RSU1: variants seen among roughly 807,000 people sequenced by gnomAD.
RSU1 encodes the protein rsu-1.
A neutral mutation model predicts 31.1 loss-of-function variants in RSU1; 26 were observed. That is an observed-to-expected ratio of 0.84 (90% CI 0.61 to 1.16). RSU1 has a LOEUF of 1.16. Ranked by LOEUF, RSU1 falls within the 50% of genes most tolerant of loss-of-function variation. RSU1 has a pLI of 0.00. For synonymous variants in RSU1, 164 were observed against 136.3 expected (o/e 1.20, Z -1.41); for missense variants, 320 against 339.1 (o/e 0.94, Z 0.44).
intron 8 of RSU1, among the ~76,000 whole-genome samples, chr10:16,644,352 C>A (rs1834498288): frequency 6.6e-6 from 1 of 152,206 alleles, no homozygotes; most frequent in African/African-American, 2.4e-5. Flanking sequence ...TTTAAACACT[C>A]CCCTTTCCTA....
intron 8 of RSU1, among the ~76,000 whole-genome samples, chr10:16,659,914 C>A (rs1459681804): frequency 1.3e-5 from 2 of 152,306 alleles, no homozygotes; most frequent in South Asian, 2.1e-4. Context: ...TTCCAATGTT[C>A]TAGCGTTCTG....
At chr10:16,722,901 T>TAC (rs1226560091) in intron 7 of RSU1, among the ~76,000 whole-genome samples, 6 of 146,134 alleles carry the variant, frequency 4.1e-5, no homozygotes, top group Middle Eastern at 3.7e-3. Context: ...TATGTATATA[T>TAC]ACACACATAT....
At chr10:16,688,388 C>G (rs759889862) in intron 8 of RSU1, among the ~76,000 whole-genome samples, 1 of 152,022 alleles carries the variant, frequency 6.6e-6, no homozygotes, top group Non-Finnish European at 1.5e-5. Flanking sequence ...GGACGGGTCA[C>G]GAGGTCAGGA....
At chr10:16,665,194 C>T (rs111344424) in intron 8 of RSU1, among the ~76,000 whole-genome samples, 33 of 152,264 alleles carry the variant, frequency 2.2e-4, no homozygotes, top group African/African-American at 7.2e-4. Context: ...TCCCACCTGC[C>T]TCAGCCTCCC....
chr10:16,606,549 G>A (rs1032261375), intron 8 of RSU1, among the ~76,000 whole-genome samples: 2 of 152,354 alleles, frequency 1.3e-5, no homozygotes, highest in African/African-American at 2.4e-5. Context: ...ATGGGCAGAT[G>A]AGGGTCGTTC....
chr10:16,794,880 G>C (rs1837995551), intron 2 of RSU1, among the ~76,000 whole-genome samples: 1 of 152,220 alleles, frequency 6.6e-6, no homozygotes, highest in African/African-American at 2.4e-5. Context: ...GTTCCTAGCA[G>C]GTGAGACCTG....
At chr10:16,727,264 C>A (rs1836418799) in intron 7 of RSU1, 2 of 383,406 alleles carry the variant, frequency 5.2e-6, no homozygotes, top group South Asian at 3.8e-5. Context: ...GAGGAGATAA[C>A]TTGATTGGAG....
intron 8 of RSU1, among the ~76,000 whole-genome samples, chr10:16,631,462 C>T (rs918210971): frequency 3.3e-5 from 5 of 152,042 alleles, no homozygotes; most frequent in Non-Finnish European, 7.4e-5. Context: ...GGAAACACGG[C>T]GTGACTTTTA....
At chr10:16,806,842 C>T (rs760250495) in intron 2 of RSU1, among the ~76,000 whole-genome samples, 9 of 152,188 alleles carry the variant, frequency 5.9e-5, no homozygotes, top group Non-Finnish European at 8.8e-5. Flanking sequence ...GAGCCTCTAC[C>T]TCCCAGGTTC....
At chr10:16,805,635 C>T (rs1375222934) in intron 2 of RSU1, among the ~76,000 whole-genome samples, 2 of 144,274 alleles carry the variant, frequency 1.4e-5, no homozygotes, top group Non-Finnish European at 3.0e-5. Flanking sequence ...GAGATCACGC[C>T]ACTGCACTCC....
intron 8 of RSU1, among the ~76,000 whole-genome samples, chr10:16,605,253 T>C (rs932895302): frequency 6.6e-6 from 1 of 152,188 alleles, no homozygotes; most frequent in Non-Finnish European, 1.5e-5. Context: ...CTTTCTATCT[T>C]TGACTACGTT....
At position 16,773,640 on chromosome 10, in the gene RSU1, C is replaced by T. The variant is rs534095176; in HGVS notation, c.160+8394G>A. Among the ~76,000 whole-genome samples the T allele has an allele frequency of 3.3e-5, 5 of 152,312 alleles. No individual in the cohort carries two copies. The South Asian group carries it at 1.0e-3, about 32-fold the overall frequency. The stretch of plus-strand genomic sequence containing the variant: ...TCACTTAATCACTTTACACCTGCCT[C>T]CTCCACGTAATACAGAGTGGGGGTT... On this transcript the variant is annotated intron_variant, in intron 3 of 8. Transcript: ENST00000345264.
chr10:16,720,004 G>T lies in RSU1; in HGVS notation c.599-24849C>A, dbSNP rs539285837. On this transcript the variant is annotated intron_variant, in intron 7 of 8. Transcript: ENST00000345264. Reference sequence around the variant, plus strand: ...GCAGCCAAGGAAAATGTGGTGCAAGGATTAACTCATCTCCCAAAGGTCACA... The same window carrying T: ...GCAGCCAAGGAAAATGTGGTGCAAGTATTAACTCATCTCCCAAAGGTCACA... Among the ~76,000 whole-genome samples the T allele has an allele frequency of 5.3e-5, 8 of 152,314 alleles. No individual in the cohort carries two copies. The East Asian group carries it at 1.5e-3, about 29-fold the overall frequency.
intron 7 of RSU1, among the ~76,000 whole-genome samples, chr10:16,701,683 C>CA (rs1835798583): frequency 6.6e-6 from 1 of 152,110 alleles, no homozygotes; most frequent in Non-Finnish European, 1.5e-5. Flanking sequence ...AGTTCCAACA[C>CA]AAGCAGCACC....
In RSU1 at chr10:16,792,562, T is replaced by A. The variant is rs1336973033; in HGVS notation, c.110-10478A>T. Among the ~76,000 whole-genome samples, 4 of 152,206 alleles carry A rather than the reference T, an allele frequency of 2.6e-5. No individual in the cohort carries two copies. The East Asian group carries it at 7.7e-4, about 29-fold the overall frequency. Reference sequence around the variant, plus strand: ...TTTTCACACCTCTTGTGGTTTCAAATGTAACATGCTGGAAGAACCACCATA... The same window carrying A: ...TTTTCACACCTCTTGTGGTTTCAAAAGTAACATGCTGGAAGAACCACCATA... On this transcript the variant is annotated intron_variant, in intron 2 of 8. Transcript: ENST00000345264.
intron 4 of RSU1, among the ~76,000 whole-genome samples, chr10:16,758,549 C>G (rs952560369): frequency 6.6e-6 from 1 of 152,148 alleles, no homozygotes; most frequent in Non-Finnish European, 1.5e-5. Flanking sequence ...AGCTGCGTGA[C>G]CTTCACCAAG....
intron 8 of RSU1, among the ~76,000 whole-genome samples, chr10:16,676,782 T>C (rs1356520744): frequency 2.0e-5 from 3 of 152,178 alleles, no homozygotes; most frequent in African/African-American, 4.8e-5. Context: ...ATGTGTGTTA[T>C]ATATCCACTG....
At chr10:16,618,822 C>T (rs1323471266) in intron 8 of RSU1, among the ~76,000 whole-genome samples, 1 of 151,960 alleles carries the variant, frequency 6.6e-6, no homozygotes, top group South Asian at 2.1e-4. Flanking sequence ...CACTGGGGCC[C>T]GTGGTGGGGT....
intron 8 of RSU1, among the ~76,000 whole-genome samples, chr10:16,669,052 T>C (rs1835054022): frequency 1.3e-5 from 2 of 152,204 alleles, no homozygotes; most frequent in Admixed American, 6.5e-5. Context: ...CCTCACTACT[T>C]TGACCTGCAG....
Sources: allele counts gnomAD v4.1 joint callset (sites outside exome capture counted in the v4.1 genomes callset), GRCh38; gene constraint gnomAD v4.1.1; transcripts MANE v1.5; gene names NCBI Gene and HGNC (gene_info 2026-07-23, HGNC 2026-07-21).